Variants in PCDHGA4 observed in about 807,000 individuals in gnomAD.
PCDHGA4 encodes the protein protocadherin gamma subfamily A, 4.
PCDHGA4 carries 38 observed loss-of-function variants against 54.6 expected under a neutral mutation model. The observed-to-expected ratio is 0.70, with a 90% CI of 0.54 to 0.91. PCDHGA4 has a LOEUF of 0.91. PCDHGA4 is among the 40% of genes least tolerant of loss of function. PCDHGA4 has a pLI of 0.00. For synonymous variants in PCDHGA4, 511 were observed against 512.9 expected, an observed-to-expected ratio of 1.00 and a Z score of 0.05; for missense variants, 1,298 against 1,220.9, an observed-to-expected ratio of 1.06 and a Z score of -0.94.
Position 141,376,694 on chromosome 5 carries a change from T to A in PCDHGA4, c.2514+19073T>A, listed in dbSNP as rs77365062. On this transcript the variant is annotated intron_variant, in intron 1 of 3. Coordinates refer to ENST00000571252, the MANE Select transcript of PCDHGA4 (RefSeq NM_018917.4). Reference sequence around the variant, plus strand: ...GGGTATCGTTTTTTTTTTTTTTTTTTTTTGAGACGGAGTCTCGCTCTGTCG... The same window carrying A: ...GGGTATCGTTTTTTTTTTTTTTTTTATTTGAGACGGAGTCTCGCTCTGTCG... The A allele has an allele frequency of 5.1e-6, 4 of 779,702 alleles. 1 individual carries two copies. The highest frequency in any genetic ancestry group is 3.9e-6 in the Non-Finnish European group (2 of 515,410). 48.3% of individuals were successfully genotyped at this position (779,702 alleles called of 1,614,324 possible).
intron 1 of PCDHGA4, chr5:141,402,809 C>A: frequency 4.9e-6 from 6 of 1,214,046 alleles, no homozygotes; most frequent in Non-Finnish European, 6.6e-6. Flanking sequence ...CCGGCAGATA[C>A]CACAAACCTG....
intron 1 of PCDHGA4, among the ~76,000 whole-genome samples, chr5:141,445,458 A>G (rs1427391084): frequency 6.6e-6 from 1 of 152,248 alleles, no homozygotes; most frequent in Non-Finnish European, 1.5e-5. Flanking sequence ...TGCAGCAATG[A>G]ACAAGGCATA....
In PCDHGA4 at chr5:141,418,047, C is replaced by G. The variant is rs968352679; in HGVS notation, c.2514+60426C>G. The G allele has an allele frequency of 6.2e-6, 10 of 1,613,894 alleles. No individual in the cohort carries two copies. The highest frequency in any genetic ancestry group is 1.6e-4 in the Middle Eastern group (1 of 6,076). ...GGGCTTAGTGTCCTGGATGTGTCGG[C>G]TCGCGAGCTGCGAGTGAGCGCGGAG... On this transcript the variant is annotated intron_variant, in intron 1 of 3. Transcript: ENST00000571252.
intron 1 of PCDHGA4, chr5:141,403,037 A>G (rs1561685258): frequency 9.3e-6 from 15 of 1,613,972 alleles, no homozygotes; most frequent in South Asian, 5.5e-5. Flanking sequence ...GGCCAGGGCC[A>G]GTCAGATTCG....
At chr5:141,422,053 G>A in intron 1 of PCDHGA4, 1 of 1,611,606 alleles carries the variant, frequency 6.2e-7, no homozygotes, top group Non-Finnish European at 8.5e-7. Context: ...GGGAATCAAC[G>A]GGGAAGTAAT....
intron 1 of PCDHGA4, chr5:141,360,453 C>T (rs1467888635): frequency 4.3e-6 from 7 of 1,613,864 alleles, no homozygotes; most frequent in Non-Finnish European, 5.9e-6. Context: ...TTCTGGATTT[C>T]GATACTGTCG....
intron 1 of PCDHGA4, chr5:141,379,179 T>C (rs1440992563): frequency 6.6e-6 from 1 of 152,218 alleles, no homozygotes; most frequent in Non-Finnish European, 1.5e-5. Context: ...AAAGATAACA[T>C]TGAGTTGATG....
At chr5:141,409,039 C>A (rs2095214342) in intron 1 of PCDHGA4, 1 of 1,614,004 alleles carries the variant, frequency 6.2e-7, no homozygotes, top group Non-Finnish European at 8.5e-7. Flanking sequence ...AGATAAACTA[C>A]TACTTCCGAA....
intron 1 of PCDHGA4, among the ~76,000 whole-genome samples, chr5:141,446,325 T>G (rs1440954528): frequency 3.9e-5 from 6 of 152,124 alleles, no homozygotes; most frequent in African/African-American, 1.4e-4. Flanking sequence ...GTTTCCACAT[T>G]AAGGAACTGG....
chr5:141,490,605 C>A lies in PCDHGA4; in HGVS notation c.2515-4202C>A. On this transcript the variant is annotated intron_variant, in intron 1 of 3. Transcript: ENST00000571252. The surrounding 1 kb of genome is among the most constrained non-coding windows in gnomAD (Gnocchi z 5.4). ...TCAATGACAATGCACCCCGCTTCAA[C>A]CAGCAGCTTTACACTGCTTACATCC... 6.2e-6 allele frequency: 10 copies of A among 1,614,198 alleles called. No individual in the cohort carries two copies. The highest frequency in any genetic ancestry group is 8.5e-6 in the Non-Finnish European group (10 of 1,180,030).
At chr5:141,419,052 C>A (rs1017300472) in intron 1 of PCDHGA4, 6 of 1,613,948 alleles carry the variant, frequency 3.7e-6, no homozygotes, top group East Asian at 2.2e-5. Context: ...CATTCTTCTT[C>A]TAATAATTAC....
intron 1 of PCDHGA4, chr5:141,393,430 C>A: frequency 6.2e-7 from 1 of 1,614,040 alleles, no homozygotes. Flanking sequence ...GAGGAAGAGG[C>A]TGCTCACCAC....
intron 1 of PCDHGA4, chr5:141,478,852 A>G (rs2099480601): frequency 7.3e-7 from 1 of 1,367,502 alleles, no homozygotes; most frequent in African/African-American, 1.5e-5. Flanking sequence ...GCTAAAACAC[A>G]AGATCTCAGC....
At chr5:141,368,486 A>G (rs1329429156) in intron 1 of PCDHGA4, among the ~76,000 whole-genome samples, 1 of 152,214 alleles carries the variant, frequency 6.6e-6, no homozygotes, top group African/African-American at 2.4e-5. Context: ...TAACAAGAGA[A>G]TCTATACAGT....
chr5:141,392,881 T>C, intron 1 of PCDHGA4: 6 of 1,613,564 alleles, frequency 3.7e-6, no homozygotes, highest in Non-Finnish European at 5.1e-6. Context: ...CTGGGAACGC[T>C]GTGGGAAATC....
At chr5:141,422,568 C>A (rs372115955) in intron 1 of PCDHGA4, 5 of 1,613,904 alleles carry the variant, frequency 3.1e-6, no homozygotes, top group Admixed American at 3.3e-5. Context: ...CAGATGACAA[C>A]GATAACCCTC....
chr5:141,485,374 T>A lies in PCDHGA4; in HGVS notation c.2515-9433T>A. Reference sequence around the variant, plus strand: ...TGTCAGCTCGCAGGCTGCAGGTCGCTGGAGAGGTGAACCAAAGACACTTCC... The same window carrying A: ...TGTCAGCTCGCAGGCTGCAGGTCGCAGGAGAGGTGAACCAAAGACACTTCC... On this transcript the variant is annotated intron_variant, in intron 1 of 3. Coordinates refer to ENST00000571252, the MANE Select transcript of PCDHGA4 (RefSeq NM_018917.4). The surrounding 1 kb of genome is among the most constrained non-coding windows in gnomAD (Gnocchi z 5.7). The A allele has an allele frequency of 1.2e-6, 2 of 1,614,082 alleles. No homozygotes were observed. Among genetic ancestry groups the A allele is most frequent in the Non-Finnish European group, 1.7e-6 (2 of 1,179,998 alleles).
At chr5:141,384,368 C>T (rs748304499) in intron 1 of PCDHGA4, 7 of 1,613,908 alleles carry the variant, frequency 4.3e-6, no homozygotes, top group East Asian at 2.2e-5. Flanking sequence ...ATCACTTATT[C>T]CTTGGCCGAA....
chr5:141,505,334 G>T, intron 2 of PCDHGA4, 59 bp from the exon 3 acceptor site: 1 of 1,611,326 alleles, frequency 6.2e-7, no homozygotes, highest in Non-Finnish European at 8.5e-7. Context: ...GAGAGGACAG[G>T]AGGGGCATGA....
Sources: allele counts gnomAD v4.1 joint callset (sites outside exome capture counted in the v4.1 genomes callset), GRCh38; gene constraint gnomAD v4.1.1; non-coding constraint Gnocchi (gnomAD v3.1); transcripts MANE v1.5; gene names NCBI Gene and HGNC (gene_info 2026-07-23, HGNC 2026-07-21).